The following SEMA3A variants were observed in gnomAD, a reference collection of about 807,000 sequenced individuals.
SEMA3A encodes the protein semaphorin 3A.
Under a neutral mutation model 97.9 loss-of-function variants are expected in SEMA3A, and 29 were observed. The observed-to-expected ratio is 0.30, with a 90% CI of 0.22 to 0.40. SEMA3A has a LOEUF of 0.40. Ranked by LOEUF, SEMA3A falls within the 10% of genes least tolerant of loss-of-function variation. The pLI is 1.00. For missense variants in SEMA3A, 763 were observed against 951.3 expected, an observed-to-expected ratio of 0.80 and a Z score of 2.60; for synonymous variants, 321 against 323.7, an observed-to-expected ratio of 0.99 and a Z score of 0.09.
At chr7:84,050,693 T>C (rs945304631) in intron 5 of SEMA3A, among the ~76,000 whole-genome samples, 1 of 152,236 alleles carries the variant, frequency 6.6e-6, no homozygotes, top group Non-Finnish European at 1.5e-5. Flanking sequence ...TCTTATGCTG[T>C]GCAGAAGCTC....
chr7:84,340,156 A>C (rs781694054), intron 2 of SEMA3A, among the ~76,000 whole-genome samples: 9 of 152,172 alleles, frequency 5.9e-5, no homozygotes, highest in Non-Finnish European at 1.3e-4. Flanking sequence ...TACTTTTACA[A>C]TTTCTGAACA....
At position 84,091,217 on chromosome 7, in the gene SEMA3A, GAAAAGAAAGAAAA is replaced by G. The variant is rs1562774650; in HGVS notation, c.453+19240_453+19252del. Among the ~76,000 whole-genome samples, 57 of 68,580 alleles carry G rather than the reference GAAAAGAAAGAAAA, an allele frequency of 8.3e-4. 2 individuals carry two copies. The highest frequency in any genetic ancestry group is 1.5e-3 in the Non-Finnish European group (48 of 31,954). 45.0% of individuals were successfully genotyped at this position (68,580 alleles called of 152,430 possible). ...GAAAGAAAGAAAGAAAGAAAGAAAAGAAAAGAAAGAAAAGAAAGAAGGAAGGAAGGAAAGAACG... is the reference window on the plus strand; with the variant it reads ...GAAAGAAAGAAAGAAAGAAAGAAAAGGAAAGAAGGAAGGAAGGAAAGAACG... On this transcript the variant is annotated intron_variant, in intron 4 of 16. Transcript: ENST00000265362.
At chr7:84,368,962 C>A (rs1320421302) in intron 2 of SEMA3A, among the ~76,000 whole-genome samples, 1 of 150,748 alleles carries the variant, frequency 6.6e-6, no homozygotes, top group Non-Finnish European at 1.5e-5. Context: ...TATAGATTTT[C>A]CATCAAATAT....
intron 3 of SEMA3A, among the ~76,000 whole-genome samples, chr7:84,285,531 C>T (rs1394745824): frequency 6.6e-6 from 1 of 152,110 alleles, no homozygotes; most frequent in African/African-American, 2.4e-5. Flanking sequence ...GTGATGCCAA[C>T]AATTGTAAGT....
chr7:84,131,283 G>A (rs1795954421), intron 2 of SEMA3A, among the ~76,000 whole-genome samples: 1 of 152,086 alleles, frequency 6.6e-6, no homozygotes, highest in African/African-American at 2.4e-5. Context: ...AATTACTAAT[G>A]TTTTGGATGG....
intron 15 of SEMA3A, among the ~76,000 whole-genome samples, chr7:83,972,235 C>A (rs963371335): frequency 1.1e-4 from 16 of 151,732 alleles, no homozygotes; most frequent in Non-Finnish European, 1.9e-4. Context: ...ATAAAATTTG[C>A]TGTGTGGCTT....
chr7:84,275,258 T>G (rs1239346171), intron 3 of SEMA3A, among the ~76,000 whole-genome samples: 2 of 152,080 alleles, frequency 1.3e-5, no homozygotes, highest in African/African-American at 4.8e-5. Flanking sequence ...TGATATATAC[T>G]CTCTCACTTT....
upstream of SEMA3A, among the ~76,000 whole-genome samples, chr7:84,198,339 G>A (rs918427077): frequency 2.0e-5 from 3 of 152,032 alleles, no homozygotes; most frequent in African/African-American, 7.2e-5. Flanking sequence ...GGGATTACAG[G>A]CAACTGCCAC....
chr7:84,360,999 CTA>C (rs1197347204), intron 2 of SEMA3A, among the ~76,000 whole-genome samples: 1 of 151,990 alleles, frequency 6.6e-6, no homozygotes, highest in African/African-American at 2.4e-5. Flanking sequence ...ATTTTAAAAA[CTA>C]TGTTATCAAG....
intron 4 of SEMA3A, among the ~76,000 whole-genome samples, chr7:84,071,034 C>A (rs1039660105): frequency 2.0e-5 from 3 of 152,030 alleles, no homozygotes; most frequent in Non-Finnish European, 4.4e-5. Context: ...CAAAAGAGAT[C>A]CTTCTGCAGA....
At chr7:84,437,831 C>A (rs1805176347) in intron 1 of SEMA3A, among the ~76,000 whole-genome samples, 1 of 151,900 alleles carries the variant, frequency 6.6e-6, no homozygotes, top group South Asian at 2.1e-4. Context: ...TATATAGATG[C>A]TGTTTTTCAG....
intron 1 of SEMA3A, among the ~76,000 whole-genome samples, chr7:84,382,135 T>C (rs1386428442): frequency 6.6e-6 from 1 of 151,986 alleles, no homozygotes; most frequent in African/African-American, 2.4e-5. Flanking sequence ...TGAGATGGAG[T>C]CTCGCTCTGT....
chr7:84,048,682 A>G lies in SEMA3A; in HGVS notation c.548-2239T>C, dbSNP rs1326856872. Among the ~76,000 whole-genome samples, 4 of 152,058 alleles carry G rather than the reference A, an allele frequency of 2.6e-5. No individual in the cohort carries two copies. In the East Asian group the frequency reaches 7.7e-4, roughly 29 times the overall value. On this transcript the variant is annotated intron_variant, in intron 5 of 16. Transcript: ENST00000265362. ...TCTAAACCACAGTTAAAAACTAAAA[A>G]TAGAATAATTTAAAAAATGAAAACT...
chr7:84,390,067 C>T (rs908127929), intron 1 of SEMA3A, among the ~76,000 whole-genome samples: 1 of 151,992 alleles, frequency 6.6e-6, no homozygotes, highest in Non-Finnish European at 1.5e-5. Flanking sequence ...ATATTAAACT[C>T]GGTTTGTTAT....
In SEMA3A at chr7:83,957,634, A is replaced by C. The variant is rs1418432863; in HGVS notation, c.*3737T>G. On this transcript the variant is annotated 3_prime_UTR_variant, in exon 17 of 17. Transcript: ENST00000265362. Reference sequence around the variant, plus strand: ...TTTCATTTAGATATTTTCTTAATTTATTAACTTGAAAAATTATGTTCATTT... The same window carrying C: ...TTTCATTTAGATATTTTCTTAATTTCTTAACTTGAAAAATTATGTTCATTT... 1 of 152,064 alleles carries C rather than the reference A, an allele frequency of 6.6e-6. No individual in the cohort carries two copies. Among genetic ancestry groups the C allele is most frequent in the African/African-American group, 2.4e-5 (1 of 41,430 alleles). The allele number at this position is 152,064 out of a possible 1,614,324, so 9.4% of individuals were successfully genotyped here.
chr7:84,335,226 G>GAT (rs1359523823), intron 2 of SEMA3A, among the ~76,000 whole-genome samples: 2 of 151,966 alleles, frequency 1.3e-5, no homozygotes, highest in Non-Finnish European at 2.9e-5. Flanking sequence ...TTATAAAATA[G>GAT]ATATAATTGT....
chr7:84,338,904 T>A (rs1802096649), intron 2 of SEMA3A, among the ~76,000 whole-genome samples: 1 of 152,176 alleles, frequency 6.6e-6, no homozygotes, highest in Non-Finnish European at 1.5e-5. Flanking sequence ...CATGGCCAAA[T>A]CTAGTTTTGA....
rs369644895 is a variant in SEMA3A at position 84,409,192 on chromosome 7, G to C, written c.-245-37292C>G. Among the ~76,000 whole-genome samples the C allele has an allele frequency of 2.0e-4, 31 of 151,394 alleles. No individual in the cohort carries two copies. In the East Asian group the frequency reaches 5.2e-3, roughly 26 times the overall value. ...CATTTCAAAATATCTAGAAGTATTGGAATGTTCCCAACAAAAACAAATGAT... is the reference window on the plus strand; with the variant it reads ...CATTTCAAAATATCTAGAAGTATTGCAATGTTCCCAACAAAAACAAATGAT... On this transcript the variant is annotated intron_variant, in intron 1 of 3. Coordinates refer to the SEMA3A transcript ENST00000424555.
intron 2 of SEMA3A, among the ~76,000 whole-genome samples, chr7:84,324,196 T>A (rs1801721806): frequency 6.6e-6 from 1 of 152,186 alleles, no homozygotes. Context: ...TTTCAAATAT[T>A]GTTGAGCTAC....
Sources: allele counts gnomAD v4.1 joint callset (sites outside exome capture counted in the v4.1 genomes callset), GRCh38; gene constraint gnomAD v4.1.1; transcripts MANE v1.5; gene names NCBI Gene and HGNC (gene_info 2026-07-23, HGNC 2026-07-21).